Variants in ERICH1 observed in about 807,000 individuals in gnomAD.
ERICH1 encodes glutamate rich 1, also known as glutamate-rich protein 1.
ERICH1 carries 56 observed loss-of-function variants against 39.6 expected under a neutral mutation model. The ratio of observed to expected loss-of-function variants is 1.41; its 90% CI spans 1.14 to 1.77. ERICH1 has a LOEUF of 1.77. ERICH1 is among the 40% of genes most tolerant of loss of function. ERICH1 has a pLI of 0.00. For synonymous variants in ERICH1, 313 were observed against 223.6 expected, an observed-to-expected ratio of 1.40 and a Z score of -3.57; for missense variants, 826 against 575.4, an observed-to-expected ratio of 1.44 and a Z score of -4.45.
intron 1 of ERICH1, among the ~76,000 whole-genome samples, chr8:723,057 G>C (rs745904566): frequency 1.3e-5 from 2 of 152,246 alleles, no homozygotes; most frequent in African/African-American, 4.8e-5. Context: ...GGCAGATCCC[G>C]TGGGAATGGC....
intron 3 of ERICH1, chr8:637,488 G>A (rs772815126): frequency 1.3e-5 from 2 of 152,300 alleles, no homozygotes; most frequent in Admixed American, 6.5e-5. Flanking sequence ...CTGCAGAGCC[G>A]GCTCGCCTAC....
chr8:672,705 T>C (rs1384372183), intron 4 of ERICH1, among the ~76,000 whole-genome samples: 3 of 152,236 alleles, frequency 2.0e-5, no homozygotes, highest in South Asian at 4.1e-4. Flanking sequence ...GTAGTGCAGA[T>C]GTAAGCAAGT....
intron 1 of ERICH1, among the ~76,000 whole-genome samples, chr8:730,916 C>T (rs1819834330): frequency 6.6e-6 from 1 of 152,048 alleles, no homozygotes. Context: ...CTGGCAGGGC[C>T]GGCCCGACCA....
chr8:731,067 C>G, intron 1 of ERICH1, 73 bp downstream of exon 1: 23 of 1,376,604 alleles, frequency 1.7e-5, no homozygotes, highest in Admixed American at 3.3e-5. Context: ...GTCGGGGTCC[C>G]GAGTCAACAC....
intron 2 of ERICH1, among the ~76,000 whole-genome samples, chr8:708,773 AGTCTT>A (rs994189285): frequency 7.2e-6 from 1 of 138,880 alleles, no homozygotes; most frequent in African/African-American, 2.7e-5. Context: ...GGCTCACTGA[AGTCTT>A]GTCTTCTCAG....
intron 3 of ERICH1, chr8:616,552 A>C (rs1236338665): frequency 2.2e-6 from 1 of 456,058 alleles, no homozygotes; most frequent in Middle Eastern, 3.3e-4. Flanking sequence ...ACATCTGGGA[A>C]CTGGAGCTGA....
Position 674,173 on chromosome 8 carries a change from C to T in ERICH1, c.305-126G>A, listed in dbSNP as rs370652977. 9.9e-6 allele frequency: 11 copies of T among 1,109,660 alleles called. No individual in the cohort carries two copies. The East Asian group carries it at 1.5e-4, about 15-fold the overall frequency. The allele number at this position is 1,109,660 out of a possible 1,614,324, so 68.7% of individuals were successfully genotyped here. Reference sequence around the variant, plus strand: ...GAAAAAGAGTTTACACTATTTACTTCGGTGATTCTCAACTTTACCATCAAA... The same window carrying T: ...GAAAAAGAGTTTACACTATTTACTTTGGTGATTCTCAACTTTACCATCAAA... On this transcript the variant is annotated intron_variant, in intron 3 of 5. Transcript: ENST00000262109.
At chr8:657,762 G>C (rs944860221) in intron 3 of ERICH1, among the ~76,000 whole-genome samples, 2 of 151,970 alleles carry the variant, frequency 1.3e-5, no homozygotes, top group African/African-American at 4.8e-5. Context: ...TAAATTAAAG[G>C]ACTCAGTAAT....
chr8:623,817 A>G (rs116096853), intron 3 of ERICH1, among the ~76,000 whole-genome samples: 2,188 of 152,340 alleles, frequency 0.014, 39 homozygotes, highest in African/African-American at 0.05. Flanking sequence ...AAACACAGGT[A>G]TAAGTCTTCA....
chr8:665,231 GA>G (rs1302561754), intron 5 of ERICH1, among the ~76,000 whole-genome samples: 2 of 152,202 alleles, frequency 1.3e-5, no homozygotes, highest in East Asian at 3.9e-4. Flanking sequence ...TCACGGCAGG[GA>G]CATGGCTCCG....
At chr8:684,286 G>C (rs920513891) in intron 3 of ERICH1, among the ~76,000 whole-genome samples, 11 of 152,120 alleles carry the variant, frequency 7.2e-5, no homozygotes, top group African/African-American at 2.6e-4. Flanking sequence ...TTAAAGAATA[G>C]GAAAGTTAAG....
intron 2 of ERICH1, among the ~76,000 whole-genome samples, chr8:695,361 G>A (rs1809911692): frequency 6.6e-6 from 1 of 151,948 alleles, no homozygotes; most frequent in Non-Finnish European, 1.5e-5. Flanking sequence ...AGAGAAGACT[G>A]CCACAGGTAC....
At chr8:615,885 T>C (rs1254373491) in intron 3 of ERICH1, 1 of 152,400 alleles carries the variant, frequency 6.6e-6, no homozygotes, top group Non-Finnish European at 1.5e-5. Context: ...CTTTCCTCTT[T>C]AATGAATACG....
rs186850308 is a variant in ERICH1 at position 649,156 on chromosome 8, G to A, written c.976+19442C>T. Reference sequence around the variant, plus strand: ...AGTTACTGCCTGTACAGACACAGACGCACTTTATTACCTGGATGAATTTAG... The same window carrying A: ...AGTTACTGCCTGTACAGACACAGACACACTTTATTACCTGGATGAATTTAG... On this transcript the variant is annotated intron_variant, in intron 3 of 3. Transcript: ENST00000522706. 3.1e-4 allele frequency among the ~76,000 whole-genome samples: 21 copies of A among 68,788 alleles called. 7 individuals are homozygous for A. The highest frequency in any genetic ancestry group is 6.6e-4 in the African/African-American group (18 of 27,314). The allele number at this position is 68,788 out of a possible 152,430, so 45.1% of individuals were successfully genotyped here.
In ERICH1 at chr8:677,327, T is replaced by C. The variant is rs551223077; in HGVS notation, c.305-3280A>G. 1.2e-4 allele frequency among the ~76,000 whole-genome samples: 18 copies of C among 152,344 alleles called. No individual in the cohort carries two copies. In the East Asian group the frequency reaches 1.4e-3, roughly 11 times the overall value. The stretch of plus-strand genomic sequence containing the variant: ...GCCGCTGTGGAACTGTGAGATGACA[T>C]TGCTGCCGCTTTGTGGAAGAGAGTT... On this transcript the variant is annotated intron_variant, in intron 3 of 5. Transcript: ENST00000262109.
intron 5 of ERICH1, chr8:666,228 A>C (rs1050319757): frequency 1.3e-5 from 2 of 152,212 alleles, no homozygotes; most frequent in African/African-American, 4.8e-5. Context: ...CACAACTGCC[A>C]AAACTCTTTT....
chr8:616,729 T>A (rs1346973244), intron 3 of ERICH1: 4 of 335,608 alleles, frequency 1.2e-5, no homozygotes, highest in Non-Finnish European at 2.3e-5. Flanking sequence ...CTCAGAGAGA[T>A]AGGGAAGCGG....
At chr8:620,202 C>T (rs1584931072) in intron 3 of ERICH1, among the ~76,000 whole-genome samples, 2 of 152,260 alleles carry the variant, frequency 1.3e-5, no homozygotes, top group Middle Eastern at 6.8e-3. Flanking sequence ...ATCCCAGCTA[C>T]TCAGGAGGCT....
chr8:731,026 G>C (rs1194038689), intron 1 of ERICH1, 114 bp downstream of exon 1: 2 of 1,258,596 alleles, frequency 1.6e-6, no homozygotes, highest in Non-Finnish European at 2.1e-6. Context: ...AGTCGGTCTG[G>C]GTTTGGGGTG....
Sources: allele counts gnomAD v4.1 joint callset (sites outside exome capture counted in the v4.1 genomes callset), GRCh38; gene constraint gnomAD v4.1.1; transcripts MANE v1.5; gene names NCBI Gene and HGNC (gene_info 2026-07-23, HGNC 2026-07-21).